Variants in PIK3R4 observed in about 807,000 individuals in gnomAD.
PIK3R4 encodes phosphoinositide 3-kinase regulatory subunit 4.
Under a neutral mutation model 136.5 loss-of-function variants are expected in PIK3R4, and 46 were observed. The ratio of observed to expected loss-of-function variants is 0.34; its 90% CI spans 0.27 to 0.43. The LOEUF (loss-of-function observed/expected upper bound fraction) is 0.43, where lower values mean the gene tolerates loss of function less well. Ranked by LOEUF, PIK3R4 falls within the 20% of genes least tolerant of loss-of-function variation. PIK3R4 has a pLI of 1.00. For synonymous variants in PIK3R4, 557 were observed against 566.7 expected (o/e 0.98, Z 0.24); for missense variants, 1,331 against 1,649.5 (o/e 0.81, Z 3.35).
At position 130,705,587 on chromosome 3, in the gene PIK3R4, T is replaced by C. The variant is rs903678661; in HGVS notation, c.2906A>G (p.Glu969Gly). 1 of 1,613,262 alleles carries C rather than the reference T, an allele frequency of 6.2e-7. No individual in the cohort carries two copies. Among genetic ancestry groups the C allele is most frequent in the East Asian group, 2.2e-5 (1 of 44,864 alleles). The change falls in exon 12 of 20, where the codon GAA (glutamate) becomes GGA (glycine). Residue 969 changes from glutamate to glycine, a missense_variant. Around this residue, in one of 2 missense-constraint regions of PIK3R4, gnomAD observed 1,180 missense variants for 1,407.0 expected, o/e 0.84. Transcript: ENST00000356763. ...AGGTGGTGGTGGTTTACTCTCCCAT[T>C]CAGCATTTTCCATCATCTGCTTAGC... ...RIAKQMMENA[E>G]WESKPPPPGW... is the part of the protein sequence containing the mutation.
At position 130,733,619 on chromosome 3, in the gene PIK3R4, G is replaced by A. The variant is rs147061597; in HGVS notation, c.1379C>T (p.Pro460Leu). ...EVPRNDINIY[P>L]EYILPGIAHL... ...GGCTATGCCTGGCAGAATGTATTCC[G>A]GATAAATATTGATATCATTACGAGG... The change falls in exon 4 of 20, where the codon CCG (proline) becomes CTG (leucine). Residue 460 changes from proline to leucine, a missense_variant. This residue lies in a region of PIK3R4 where 1,180 missense variants were observed against 1,407.0 expected (regional missense o/e 0.84). Coordinates refer to ENST00000356763, the MANE Select transcript of PIK3R4 (RefSeq NM_014602.3). 38 of 1,613,926 alleles carry A rather than the reference G, an allele frequency of 2.4e-5. No homozygotes were observed. Among genetic ancestry groups the A allele is most frequent in the Admixed American group, 3.3e-5 (2 of 60,010 alleles).
chr3:130,733,901 G>GC lies in PIK3R4; in HGVS notation c.1096dup (p.Ala366GlyfsTer6). The GC allele has an allele frequency of 6.2e-7, 1 of 1,614,078 alleles. No individual in the cohort carries two copies. Among genetic ancestry groups the GC allele is most frequent in the Non-Finnish European group, 8.5e-7 (1 of 1,179,946 alleles). ...CCCATTTTCCTTAGGCTCTCCTTCG[G>GC]CTTTTTCTGGCAGATCATGTCCACA... On this transcript the variant is annotated frameshift_variant, in exon 4 of 20. Coordinates refer to ENST00000356763, the MANE Select transcript of PIK3R4 (RefSeq NM_014602.3). LOFTEE classifies it high-confidence loss of function.
chr3:130,692,040 A>G (rs187668251), intron 13 of PIK3R4, among the ~76,000 whole-genome samples: 1 of 151,318 alleles, frequency 6.6e-6, no homozygotes, highest in African/African-American at 2.4e-5. Context: ...ACACCCAGCT[A>G]ATTTTTTTGT....
At chr3:130,742,913 G>A (rs2107623663) in intron 2 of PIK3R4, among the ~76,000 whole-genome samples, 1 of 152,276 alleles carries the variant, frequency 6.6e-6, no homozygotes, top group Non-Finnish European at 1.5e-5. Flanking sequence ...TGTGGTCTGT[G>A]TATGTGAAAT....
intron 10 of PIK3R4, among the ~76,000 whole-genome samples, chr3:130,707,859 AT>A (rs955535932): frequency 6.6e-6 from 1 of 152,188 alleles, no homozygotes; most frequent in African/African-American, 2.4e-5. Context: ...CTTGTATTTC[AT>A]TGTTAATAGC....
intron 6 of PIK3R4, 166 bp from the exon 7 acceptor site, chr3:130,723,753 G>T: frequency 2.0e-6 from 1 of 508,164 alleles, no homozygotes; most frequent in Non-Finnish European, 3.3e-6. Context: ...CCCACAGCAA[G>T]GCAAATCATC....
At position 130,705,738 on chromosome 3, in the gene PIK3R4, G is replaced by GT; in HGVS notation, c.2754dup (p.Pro919ThrfsTer8). 6.2e-7 allele frequency: 1 copy of GT among 1,610,844 alleles called. No individual in the cohort carries two copies. Among genetic ancestry groups the GT allele is most frequent in the Non-Finnish European group, 8.5e-7 (1 of 1,177,134 alleles). On this transcript the variant is annotated frameshift_variant, in exon 12 of 20. Transcript: ENST00000356763. LOFTEE classifies it high-confidence loss of function. ...GTACTACTTAAAACCGGTATTACTG[G>GT]TTTTTTATTTTGGACAGTTGTCACT...
chr3:130,709,871 G>T (rs2066625175), intron 9 of PIK3R4, among the ~76,000 whole-genome samples: 1 of 152,098 alleles, frequency 6.6e-6, no homozygotes, highest in Non-Finnish European at 1.5e-5. Flanking sequence ...AGGGGCTAAG[G>T]GAAAGAAAAT....
In PIK3R4 at chr3:130,723,614, A is replaced by T. The variant is rs1027856039; in HGVS notation, c.1808-27T>A. 1.1e-5 allele frequency: 18 copies of T among 1,591,556 alleles called. 1 individual carries two copies. Among genetic ancestry groups the T allele is most frequent in the Admixed American group, 6.9e-5 (4 of 57,674 alleles). On this transcript the variant is annotated intron_variant, in intron 6 of 19. Coordinates refer to ENST00000356763, the MANE Select transcript of PIK3R4 (RefSeq NM_014602.3). ...TGGAAATGAAAAGCAATATTATGTG[A>T]TTATTCAATACCTAAAAGTACATAT...
At chr3:130,711,031 A>AAG (rs533228047) in intron 9 of PIK3R4, among the ~76,000 whole-genome samples, 1 of 149,876 alleles carries the variant, frequency 6.7e-6, no homozygotes, top group African/African-American at 2.5e-5. Context: ...AAAAAAAAAA[A>AAG]CAAGCTGGGA....
At chr3:130,734,241 ACTG>A (rs1241562989) in intron 3 of PIK3R4, 111 bp from the exon 4 acceptor site, 9 of 800,276 alleles carry the variant, frequency 1.1e-5, no homozygotes, top group African/African-American at 1.0e-4. Context: ...TCAGAACCTG[ACTG>A]CTAAGTGATT....
At chr3:130,710,938 C>A (rs2066629476) in intron 9 of PIK3R4, among the ~76,000 whole-genome samples, 1 of 136,186 alleles carries the variant, frequency 7.3e-6, no homozygotes, top group Admixed American at 7.5e-5. Context: ...GTGTAAGAAT[C>A]AAGGATAGCC....
chr3:130,721,179 C>CA (rs530043872), intron 7 of PIK3R4, among the ~76,000 whole-genome samples: 30,991 of 150,806 alleles, frequency 0.21, 3,431 homozygotes, highest in South Asian at 0.36. Context: ...ACTAAAAATA[C>CA]AAAAAAAATT....
intron 7 of PIK3R4, among the ~76,000 whole-genome samples, chr3:130,719,674 G>C (rs142928428): frequency 2.6e-4 from 40 of 152,206 alleles, no homozygotes; most frequent in African/African-American, 9.2e-4. Context: ...GGTTTGACAG[G>C]AGTTGGGAAC....
chr3:130,706,018 A>G (rs879609787), intron 11 of PIK3R4, among the ~76,000 whole-genome samples: 7 of 152,246 alleles, frequency 4.6e-5, no homozygotes, highest in Non-Finnish European at 2.9e-5. Context: ...AAAACTGATC[A>G]GCATGAAAAT....
chr3:130,739,224 C>T (rs1461994010), intron 2 of PIK3R4, among the ~76,000 whole-genome samples: 1 of 152,078 alleles, frequency 6.6e-6, no homozygotes, highest in African/African-American at 2.4e-5. Flanking sequence ...CTACAGGCGC[C>T]TGCCACCGCG....
rs753844909 is a variant in PIK3R4 at position 130,744,607 on chromosome 3, A to G, written c.612T>C (p.Asp204=). ...TCYIAPERFV[D]GGMFATELEY... is the part of the protein sequence containing the mutation. ...CTAACTCAGTGGCAAACATCCCACC[A>G]TCAACAAAACGTTCAGGAGCAATAT... The change falls in exon 2 of 20, where the codon GAT becomes GAC. Residue 204 remains aspartate, a synonymous_variant. Transcript: ENST00000356763. The G allele has an allele frequency of 1.2e-6, 2 of 1,614,276 alleles. No individual in the cohort carries two copies. The highest frequency in any genetic ancestry group is 1.1e-5 in the South Asian group (1 of 91,088).
intron 13 of PIK3R4, among the ~76,000 whole-genome samples, chr3:130,696,999 T>C (rs2066549530): frequency 6.6e-6 from 1 of 151,418 alleles, no homozygotes; most frequent in Non-Finnish European, 1.5e-5. Context: ...AAAATCTCCT[T>C]GGTTGTCTCT....
chr3:130,690,505 T>C lies in PIK3R4; in HGVS notation c.3248A>G (p.His1083Arg), dbSNP rs1453468522. ...ASKLPKSPKI[H>R]PLQSRILDQK... ...GATAAGATACCTGCTTTGTAGAGGATGGATTTTAGGAGACTTGGGCAGCTT... is the reference window on the plus strand; with the variant it reads ...GATAAGATACCTGCTTTGTAGAGGACGGATTTTAGGAGACTTGGGCAGCTT... Residue 1083 changes from histidine (H) to arginine (R), a missense_variant, in exon 14 of 20, where the codon CAT (histidine) becomes CGT (arginine). Transcript: ENST00000356763. The C allele has an allele frequency of 6.2e-7, 1 of 1,612,018 alleles. No homozygotes were observed. Among genetic ancestry groups the C allele is most frequent in the East Asian group, 2.2e-5 (1 of 44,856 alleles).
Sources: gnomAD v4.1 joint callset for allele counts (sites outside exome capture counted in the v4.1 genomes callset) on GRCh38, gnomAD v4.1.1 for gene constraint, gnomAD v4.1.1 regional missense constraint, MANE v1.5 for transcripts, NCBI Gene and HGNC (gene_info 2026-07-23, HGNC 2026-07-21) for gene names.